The following CDV3 variants were observed in gnomAD, a reference collection of about 807,000 sequenced individuals.
The protein encoded by CDV3 is CDV3 homolog.
A neutral mutation model predicts 24.5 loss-of-function variants in CDV3; 14 were observed. The observed-to-expected ratio is 0.57, with a 90% confidence interval of 0.38 to 0.89. The LOEUF is 0.89. Among genes scored for constraint, CDV3 ranks in the 40% least tolerant of loss-of-function variants. The pLI, the probability that CDV3 is intolerant of heterozygous loss-of-function variation, is 0.00. For synonymous variants in CDV3, 114 were observed against 114.1 expected (o/e 1.00, Z 0.00); for missense variants, 304 against 310.2 (o/e 0.98, Z 0.15).
rs2074699732 is a variant in CDV3, at chr3:133,573,896, TCGCCGCGCACGCCTCGGCGACCC to T, written c.-145_-123del. The stretch of plus-strand genomic sequence containing the variant: ...CAGCACGCAGGGGGAGCCGCCCGTC[TCGCCGCGCACGCCTCGGCGACCC>T]CGCGGGGCTGAGGCGTCGCCGCGCC... On this transcript the variant is annotated 5_prime_UTR_variant, in exon 1 of 5. Coordinates refer to ENST00000264993, the MANE Select transcript of CDV3 (RefSeq NM_017548.5). The T allele has an allele frequency of 4.1e-6, 2 of 492,512 alleles. No individual in the cohort carries two copies. Among genetic ancestry groups the T allele is most frequent in the Admixed American group, 6.4e-5 (1 of 15,594 alleles). 30.5% of individuals were successfully genotyped at this position (492,512 alleles called of 1,614,324 possible). A position where few individuals can be genotyped will look rare whatever the true frequency, so the allele number is the denominator to read the frequency against.
At chr3:133,576,733 T>C (rs951764498) in intron 2 of CDV3, among the ~76,000 whole-genome samples, 3 of 152,106 alleles carry the variant, frequency 2.0e-5, no homozygotes, top group African/African-American at 7.2e-5. Context: ...ACTTTTGAGA[T>C]AGTGAAAAGT....
In CDV3 at chr3:133,588,184, A is replaced by G. The variant is rs1161193204; in HGVS notation, c.*138A>G. The G allele has an allele frequency of 5.2e-6, 8 of 1,535,236 alleles. No homozygotes were observed. Among genetic ancestry groups the G allele is most frequent in the African/African-American group, 4.2e-5 (3 of 72,278 alleles). On this transcript the variant is annotated 3_prime_UTR_variant, in exon 5 of 5. Coordinates refer to ENST00000264993, the MANE Select transcript of CDV3 (RefSeq NM_017548.5). The stretch of plus-strand genomic sequence containing the variant: ...ATTTCATGACCGGCCCTATTGCACT[A>G]TGGAAGTTAAAGTGTCACGACTGCT...
chr3:133,584,082 G>A lies in CDV3; in HGVS notation c.398G>A (p.Gly133Asp). ...NWEEGGGGGG[G>D]MEKSSGPWNK... Reference sequence around the variant, plus strand: ...GAAGAAGGTGGAGGTGGTGGTGGAGGTATGGAAAAATCTTCAGGTCCCTGG... The same window carrying A: ...GAAGAAGGTGGAGGTGGTGGTGGAGATATGGAAAAATCTTCAGGTCCCTGG... The change falls in exon 3 of 5, where the codon GGT becomes GAT. Residue 133 changes from glycine to aspartate, a missense_variant. Physicochemically the swap from Gly to Asp is moderately conservative, Grantham distance 94. Transcript: ENST00000264993. The A allele has an allele frequency of 6.2e-7, 1 of 1,611,204 alleles. No individual in the cohort carries two copies. Among genetic ancestry groups the A allele is most frequent in the African/African-American group, 1.3e-5 (1 of 74,932 alleles).
In CDV3 at chr3:133,579,295, T is replaced by C. The variant is rs761264636; in HGVS notation, c.317+4180T>C. 1.0e-3 allele frequency among the ~76,000 whole-genome samples: 153 copies of C among 152,356 alleles called. 1 individual carries two copies. Among genetic ancestry groups the C allele is most frequent in the Non-Finnish European group, 7.5e-4 (51 of 68,034 alleles). On this transcript the variant is annotated intron_variant, in intron 2 of 4. Coordinates refer to ENST00000264993, the MANE Select transcript of CDV3 (RefSeq NM_017548.5). ...TAAGACCGTATATGTGGAATTGTGATGAATTTACAGCAGTATTGTAGTGTT... is the reference window on the plus strand; with the variant it reads ...TAAGACCGTATATGTGGAATTGTGACGAATTTACAGCAGTATTGTAGTGTT...
chr3:133,574,682 C>T (rs947571968), intron 1 of CDV3: 72 of 1,043,584 alleles, frequency 6.9e-5, no homozygotes, highest in Non-Finnish European at 8.0e-5. Flanking sequence ...TTTGTAGCAG[C>T]TCTTTTGTGA....
chr3:133,586,634 A>G lies in CDV3; in HGVS notation c.538A>G (p.Arg180Gly). 6.3e-7 allele frequency: 1 copy of G among 1,595,956 alleles called. No homozygotes were observed. The highest frequency in any genetic ancestry group is 8.6e-7 in the Non-Finnish European group (1 of 1,163,334). Reference protein sequence around the residue: ...RPPGARLTTTRKTPQGPPEIY... With the variant: ...RPPGARLTTTGKTPQGPPEIY... Reference sequence around the variant, plus strand: ...TCCTGGGGCCAGGTTAACCACAACAAGGAAAACACCACAAGGACCACCAGA... The same window carrying G: ...TCCTGGGGCCAGGTTAACCACAACAGGGAAAACACCACAAGGACCACCAGA... The change falls in exon 4 of 5, where the codon AGG becomes GGG. Residue 180 changes from arginine (R) to glycine (G), a missense_variant. By Grantham distance (125) the Arg-to-Gly change is moderately radical. This residue lies in a region of CDV3 where 29 missense variants were observed against 55.8 expected (regional missense o/e 0.52). Coordinates refer to ENST00000264993, the MANE Select transcript of CDV3 (RefSeq NM_017548.5).
chr3:133,584,596 A>G (rs1264487146), intron 3 of CDV3, among the ~76,000 whole-genome samples: 1 of 152,200 alleles, frequency 6.6e-6, no homozygotes. Flanking sequence ...GAAAATTCCT[A>G]AAGCTTTTAT....
intron 2 of CDV3, among the ~76,000 whole-genome samples, chr3:133,583,618 AG>A (rs1227586031): frequency 6.6e-6 from 1 of 152,142 alleles, no homozygotes; most frequent in Non-Finnish European, 1.5e-5. Context: ...GAGGGAGTGC[AG>A]TGGCACGATC....
chr3:133,587,729 T>G (rs1417167422), intron 4 of CDV3, 167 bp from the exon 5 acceptor site: 52 of 1,401,864 alleles, frequency 3.7e-5, no homozygotes, highest in Non-Finnish European at 4.8e-5. Context: ...GTTTTCTGTT[T>G]GAATTGAAGC....
At chr3:133,586,782 G>C in intron 4 of CDV3, 60 bp downstream of exon 4, 6 of 1,040,452 alleles carry the variant, frequency 5.8e-6, no homozygotes, top group Non-Finnish European at 7.5e-6. Flanking sequence ...CAGGGAGTGG[G>C]ATATAGGGGA....
chr3:133,574,625 A>T lies in CDV3; in HGVS notation c.240+341A>T, dbSNP rs146662560. On this transcript the variant is annotated intron_variant, in intron 1 of 4. Transcript: ENST00000264993. The stretch of plus-strand genomic sequence containing the variant: ...CTAGGCTGAGTAATTCCGTGTGCTG[A>T]CCTCAGCCCAGTAGTTTGAGCTGAA... 5.5e-5 allele frequency: 56 copies of T among 1,013,744 alleles called. No homozygotes were observed. The East Asian group carries it at 3.3e-3, about 60-fold the overall frequency. 62.8% of individuals were successfully genotyped at this position (1,013,744 alleles called of 1,614,324 possible). A position where few individuals can be genotyped will look rare whatever the true frequency, so the allele number is the denominator to read the frequency against.
chr3:133,588,814 AT>A lies in CDV3; in HGVS notation c.*775del, dbSNP rs1395174797. The A allele has an allele frequency of 3.8e-5, 6 of 159,234 alleles. No individual in the cohort carries two copies. The East Asian group carries it at 1.1e-3, about 29-fold the overall frequency. 9.9% of individuals were successfully genotyped at this position (159,234 alleles called of 1,614,324 possible). A position where few individuals can be genotyped will look rare whatever the true frequency, so the allele number is the denominator to read the frequency against. The stretch of plus-strand genomic sequence containing the variant: ...TCTTGGGGGTTTTTTTTTTTTGGTA[AT>A]TTTTTTATTTGGATAGTGCTTTTTT... On this transcript the variant is annotated 3_prime_UTR_variant, in exon 5 of 5. Coordinates refer to ENST00000264993, the MANE Select transcript of CDV3 (RefSeq NM_017548.5).
chr3:133,578,097 C>T (rs910828124), intron 2 of CDV3, among the ~76,000 whole-genome samples: 2 of 152,140 alleles, frequency 1.3e-5, no homozygotes, highest in African/African-American at 4.8e-5. Context: ...TCAAGTGATC[C>T]TCCCACCTCA....
In CDV3 at chr3:133,584,037, A is replaced by G. The variant is rs755208361; in HGVS notation, c.353A>G (p.Gln118Arg). 1.9e-6 allele frequency: 3 copies of G among 1,610,528 alleles called. No individual in the cohort carries two copies. Among genetic ancestry groups the G allele is most frequent in the Non-Finnish European group, 2.5e-6 (3 of 1,177,886 alleles). The change falls in exon 3 of 5, where the codon CAA becomes CGA. Residue 118 changes from glutamine (Q) to arginine (R), a missense_variant. By Grantham distance (43) the Gln-to-Arg change is conservative. Around this residue, in one of 3 missense-constraint regions of CDV3, gnomAD observed 219 missense variants for 203.6 expected, o/e 1.08. Transcript: ENST00000264993. Reference sequence around the variant, plus strand: ...GAAGAAGACGATAATGAAAAGAGACAAGATCCAGGTGATAACTGGGAAGAA... The same window carrying G: ...GAAGAAGACGATAATGAAAAGAGACGAGATCCAGGTGATAACTGGGAAGAA... Reference protein sequence around the residue: ...EKEEDDNEKRQDPGDNWEEGG... With the variant: ...EKEEDDNEKRRDPGDNWEEGG...
At chr3:133,579,686 A>G (rs2074943836) in intron 2 of CDV3, among the ~76,000 whole-genome samples, 2 of 151,940 alleles carry the variant, frequency 1.3e-5, no homozygotes, top group Middle Eastern at 3.4e-3. Context: ...TCCACCTCCC[A>G]AGTTCAAGCG....
rs1205117951 is a variant in CDV3, at chr3:133,573,728, C to G, written c.-317C>G. On this transcript the variant is annotated 5_prime_UTR_variant, in exon 1 of 5. Coordinates refer to ENST00000264993, the MANE Select transcript of CDV3 (RefSeq NM_017548.5). ...GCTAGCCGAGCACTCTCGCCAGAAC[C>G]TCTGGCTCGCGCGTGCCTTTTCCCC... The G allele has an allele frequency of 6.6e-6, 1 of 152,188 alleles. No individual in the cohort carries two copies. Among genetic ancestry groups the G allele is most frequent in the Admixed American group, 6.5e-5 (1 of 15,284 alleles). 9.4% of individuals were successfully genotyped at this position (152,188 alleles called of 1,614,324 possible).
At chr3:133,585,493 T>TC (rs762199884) in intron 3 of CDV3, among the ~76,000 whole-genome samples, 53 of 148,662 alleles carry the variant, frequency 3.6e-4, no homozygotes, top group Non-Finnish European at 6.1e-4. Flanking sequence ...AATCTTTTTT[T>TC]CTTTTTCTTT....
intron 2 of CDV3, among the ~76,000 whole-genome samples, chr3:133,581,619 A>G (rs1387482762): frequency 1.3e-5 from 2 of 152,210 alleles, no homozygotes; most frequent in South Asian, 2.1e-4. Context: ...GCCATGTTCA[A>G]AGTTTCCTGG....
chr3:133,583,858 G>A, intron 2 of CDV3, 144 bp from the exon 3 acceptor site: 2 of 622,428 alleles, frequency 3.2e-6, no homozygotes, highest in Non-Finnish European at 5.6e-6. Flanking sequence ...CACTGTACCT[G>A]GCCTCACTTT....
Sources: allele counts gnomAD v4.1 joint callset (sites outside exome capture counted in the v4.1 genomes callset), GRCh38; gene constraint gnomAD v4.1.1; regional missense constraint gnomAD v4.1.1; transcripts MANE v1.5; gene names NCBI Gene and HGNC (gene_info 2026-07-23, HGNC 2026-07-21).